ANKS1B: variants seen among roughly 807,000 people sequenced by gnomAD.
ANKS1B encodes ankyrin repeat and sterile alpha motif domain-containing protein 1B.
In ANKS1B, 36 loss-of-function variants were observed where a neutral mutation model predicts 148.3. The ratio of observed to expected loss-of-function variants is 0.24; its 90% CI spans 0.19 to 0.32. The LOEUF is 0.32. ANKS1B is among the 10% of genes least tolerant of loss of function. The pLI, the probability that ANKS1B is intolerant of heterozygous loss-of-function variation, is 1.00. For missense variants in ANKS1B, 1,157 were observed against 1,542.6 expected (o/e 0.75, Z 4.19); for synonymous variants, 542 against 560.8 (o/e 0.97, Z 0.47).
At chr12:98,798,911 A>G (rs1488160755) in intron 22 of ANKS1B, 23 bp downstream of exon 22, 3 of 1,601,054 alleles carry the variant, frequency 1.9e-6, no homozygotes, top group Non-Finnish European at 2.6e-6. Context: ...GCTACTAGAA[A>G]TAAAGTAGTT....
chr12:99,024,615 C>A, intron 17 of ANKS1B, among the ~76,000 whole-genome samples: 1 of 152,114 alleles, frequency 6.6e-6, no homozygotes, highest in East Asian at 1.9e-4. Context: ...TTAAATTGAT[C>A]TTCCAGTTTG....
In ANKS1B at chr12:99,887,701, A is replaced by G. The variant is rs139285319; in HGVS notation, c.135-62312T>C. Among the ~76,000 whole-genome samples, 354 of 152,368 alleles carry G rather than the reference A, an allele frequency of 2.3e-3. 1 individual carries two copies. Among genetic ancestry groups the G allele is most frequent in the African/African-American group, 8.2e-3 (343 of 41,586 alleles). ...ATACAGTACTAGTACGAGGTTAAAT[A>G]ATACATTAAAGGTCTAATAATGTAT... On this transcript the variant is annotated intron_variant, in intron 1 of 26. Transcript: ENST00000683438.
At chr12:99,246,919 A>G in intron 12 of ANKS1B, 55 bp from the exon 13 acceptor site, 4 of 1,321,848 alleles carry the variant, frequency 3.0e-6, no homozygotes, top group Non-Finnish European at 4.1e-6. Flanking sequence ...AAGCCACGAT[A>G]TAATAGCAGT....
At chr12:99,021,074 CAT>C (rs750955260) in intron 17 of ANKS1B, among the ~76,000 whole-genome samples, 23 of 152,006 alleles carry the variant, frequency 1.5e-4, no homozygotes, top group Non-Finnish European at 3.1e-4. Context: ...CTCTCTGAGT[CAT>C]ATAATTTCCC....
intron 10 of ANKS1B, among the ~76,000 whole-genome samples, chr12:99,446,752 G>T (rs1402382910): frequency 6.6e-6 from 1 of 151,946 alleles, no homozygotes; most frequent in Non-Finnish European, 1.5e-5. Flanking sequence ...TTAAAAAGTA[G>T]ACATAGACAC....
At chr12:98,984,979 T>C (rs2099922408) in intron 17 of ANKS1B, among the ~76,000 whole-genome samples, 1 of 152,192 alleles carries the variant, frequency 6.6e-6, no homozygotes, top group Non-Finnish European at 1.5e-5. Context: ...CCACTGTACT[T>C]CAACCTGGGT....
intron 1 of ANKS1B, among the ~76,000 whole-genome samples, chr12:99,895,929 GT>G (rs1029575787): frequency 6.0e-5 from 9 of 150,396 alleles, no homozygotes; most frequent in East Asian, 1.9e-4. Flanking sequence ...TTTTGGATAA[GT>G]TTTTTTTTAC....
intron 17 of ANKS1B, among the ~76,000 whole-genome samples, chr12:98,916,962 A>AT (rs367815683): frequency 0.038 from 5,380 of 141,496 alleles, 224 homozygotes; most frequent in African/African-American, 0.1. Flanking sequence ...GTATTCAACT[A>AT]TTTTTTTTTT....
At chr12:99,278,561 C>A (rs111369855) in intron 12 of ANKS1B, among the ~76,000 whole-genome samples, 1 of 152,116 alleles carries the variant, frequency 6.6e-6, no homozygotes, top group Non-Finnish European at 1.5e-5. Flanking sequence ...CTTCCTCCCC[C>A]TCTTTGATTC....
chr12:99,743,352 TGTA>T (rs1319131663), intron 8 of ANKS1B, among the ~76,000 whole-genome samples: 3 of 152,198 alleles, frequency 2.0e-5, no homozygotes, highest in South Asian at 4.1e-4. Flanking sequence ...AATAATCTAA[TGTA>T]GTCTATTTTT....
At chr12:99,408,266 G>A (rs751812506) in intron 11 of ANKS1B, among the ~76,000 whole-genome samples, 2 of 145,514 alleles carry the variant, frequency 1.4e-5, no homozygotes, top group Non-Finnish European at 3.0e-5. Context: ...GGAAAAGACA[G>A]GGTGGTGGTG....
At chr12:99,825,460 G>A (rs2083064531) in intron 1 of ANKS1B, 71 bp from the exon 2 acceptor site, 1 of 1,210,866 alleles carries the variant, frequency 8.3e-7, no homozygotes, top group South Asian at 1.3e-5. Flanking sequence ...AAAGAAGGCT[G>A]GTAGCCCCAC....
chr12:99,856,514 T>A (rs1262109693), intron 1 of ANKS1B, among the ~76,000 whole-genome samples: 1 of 151,602 alleles, frequency 6.6e-6, no homozygotes, highest in African/African-American at 2.4e-5. Flanking sequence ...AAAGAGGGAA[T>A]CCTCCATAAA....
rs191701304 is a variant in ANKS1B at position 99,398,795 on chromosome 12, T to C, written c.1756+836A>G. ...CTCACCAACATATTATTAGTGCCAA[T>C]GAACTTCCTCAAAGAGCAATATGTA... is the stretch of plus-strand genomic sequence containing the variant. On this transcript the variant is annotated intron_variant, in intron 12 of 26. Transcript: ENST00000683438. Among the ~76,000 whole-genome samples the C allele has an allele frequency of 8.5e-5, 13 of 152,260 alleles. No homozygotes were observed. In the East Asian group the frequency reaches 2.5e-3, roughly 29 times the overall value.
At chr12:98,944,390 T>G (rs1364387688) in intron 17 of ANKS1B, among the ~76,000 whole-genome samples, 1 of 151,648 alleles carries the variant, frequency 6.6e-6, no homozygotes, top group Non-Finnish European at 1.5e-5. Context: ...GAAAGCTTCC[T>G]GAGGCCCTCA....
chr12:99,613,151 T>C lies in ANKS1B; in HGVS notation c.1272+41916A>G, dbSNP rs144265330. On this transcript the variant is annotated intron_variant, in intron 9 of 26. Coordinates refer to ENST00000683438, the MANE Select transcript of ANKS1B (RefSeq NM_001352186.2). The stretch of plus-strand genomic sequence containing the variant: ...GCTAATCTTCAAGTAATTTCTATTG[T>C]TGAGTAAAGAAGGCATTTTCGACTA... Among the ~76,000 whole-genome samples, 340 of 152,234 alleles carry C rather than the reference T, an allele frequency of 2.2e-3. 9 individuals are homozygous for C. The East Asian group carries it at 0.038, about 17-fold the overall frequency.
intron 10 of ANKS1B, among the ~76,000 whole-genome samples, chr12:99,469,933 AACATAGG>A (rs2096210453): frequency 6.6e-6 from 1 of 151,936 alleles, no homozygotes; most frequent in African/African-American, 2.4e-5. Flanking sequence ...AAGCCTGGGC[AACATAGG>A]AGACCCCCGT....
At chr12:99,606,654 GA>G (rs2097853882) in intron 9 of ANKS1B, among the ~76,000 whole-genome samples, 1 of 151,958 alleles carries the variant, frequency 6.6e-6, no homozygotes, top group Non-Finnish European at 1.5e-5. Context: ...GACAATTAAT[GA>G]GTATCTCTAT....
At chr12:99,716,115 C>T (rs2057288393) in intron 8 of ANKS1B, among the ~76,000 whole-genome samples, 1 of 152,064 alleles carries the variant, frequency 6.6e-6, no homozygotes, top group Non-Finnish European at 1.5e-5. Flanking sequence ...TCTACCCCTT[C>T]TCTGCTTTTC....
Sources: allele counts gnomAD v4.1 joint callset (sites outside exome capture counted in the v4.1 genomes callset), GRCh38; gene constraint gnomAD v4.1.1; transcripts MANE v1.5; gene names NCBI Gene and HGNC (gene_info 2026-07-23, HGNC 2026-07-21).